The following RAB26 variants were observed in gnomAD, a reference collection of about 807,000 sequenced individuals.
The protein encoded by RAB26 is ras-related protein Rab-26.
A neutral mutation model predicts 33.1 loss-of-function variants in RAB26; 39 were observed. That is an observed-to-expected ratio of 1.18 (90% CI 0.91 to 1.54). The LOEUF is 1.54. RAB26 is among the 40% of genes most tolerant of loss of function. The probability of loss-of-function intolerance (pLI) is 0.00; values close to 1 mark genes in which losing one functional copy is unlikely to be tolerated. For missense variants in RAB26, 468 were observed against 362.9 expected (o/e 1.29, Z -2.35); for synonymous variants, 192 against 151.9 (o/e 1.26, Z -1.94).
chr16:2,149,687 C>T (rs1257470856), intron 1 of RAB26, among the ~76,000 whole-genome samples: 1 of 152,182 alleles, frequency 6.6e-6, no homozygotes, highest in Admixed American at 6.5e-5. Context: ...GGGGTATGGA[C>T]GTTAGGGAGG....
At chr16:2,152,925 G>A (rs2093010579) in intron 6 of RAB26, 40 bp downstream of exon 6, 3 of 1,591,882 alleles carry the variant, frequency 1.9e-6, no homozygotes, top group South Asian at 1.1e-5. Context: ...CACAGGGCAG[G>A]GCAGGTGAGG....
intron 5 of RAB26, 35 bp downstream of exon 5, chr16:2,151,943 G>C: frequency 2.5e-6 from 4 of 1,612,692 alleles, no homozygotes; most frequent in Non-Finnish European, 3.4e-6. Context: ...AAAGGGCCCT[G>C]ATAGGGCCTG....
Position 2,153,954 on chromosome 16 carries a change from G to C in RAB26, c.*533G>C. The stretch of plus-strand genomic sequence containing the variant: ...AGGGTCTTCCTCACTGACCTTGGAG[G>C]ATGCCTGTGGCCTTGTGATAAAATG... On this transcript the variant is annotated 3_prime_UTR_variant, in exon 9 of 9. Coordinates refer to ENST00000210187, the MANE Select transcript of RAB26 (RefSeq NM_014353.5). 1 of 394,454 alleles carries C rather than the reference G, an allele frequency of 2.5e-6. No individual in the cohort carries two copies. Among genetic ancestry groups the C allele is most frequent in the South Asian group, 1.8e-5 (1 of 55,806 alleles). 24.4% of individuals were successfully genotyped at this position (394,454 alleles called of 1,614,324 possible).
At position 2,153,625 on chromosome 16, in the gene RAB26, G is replaced by T. The variant is rs983082160; in HGVS notation, c.*204G>T. On this transcript the variant is annotated 3_prime_UTR_variant, in exon 9 of 9. Coordinates refer to ENST00000210187, the MANE Select transcript of RAB26 (RefSeq NM_014353.5). ...TCTGAGAGCCCGTGGCCGCACACTG[G>T]CCGCCACGGAAAAGCAGTCTTCTGC... is the stretch of plus-strand genomic sequence containing the variant. 3 of 665,056 alleles carry T rather than the reference G, an allele frequency of 4.5e-6. No homozygotes were observed. The highest frequency in any genetic ancestry group is 1.8e-5 in the African/African-American group (1 of 56,192). 41.2% of individuals were successfully genotyped at this position (665,056 alleles called of 1,614,324 possible). A position where few individuals can be genotyped will look rare whatever the true frequency, so the allele number is the denominator to read the frequency against.
chr16:2,150,728 T>C (rs954907526), intron 2 of RAB26, among the ~76,000 whole-genome samples: 7 of 151,428 alleles, frequency 4.6e-5, no homozygotes, highest in African/African-American at 1.7e-4. Flanking sequence ...CACCTCCCTC[T>C]TGGCTCTCGG....
At chr16:2,152,588 C>T (rs1186132978) in intron 5 of RAB26, among the ~76,000 whole-genome samples, 1 of 148,438 alleles carries the variant, frequency 6.7e-6, no homozygotes, top group African/African-American at 2.5e-5. Context: ...TCCCAAGGTT[C>T]TCTGAACCCC....
At position 2,153,521 on chromosome 16, in the gene RAB26, G is replaced by T; in HGVS notation, c.*100G>T. 9.1e-7 allele frequency: 1 copy of T among 1,097,780 alleles called. No homozygotes were observed. Among genetic ancestry groups the T allele is most frequent in the Non-Finnish European group, 1.3e-6 (1 of 752,068 alleles). The allele number at this position is 1,097,780 out of a possible 1,614,324, so 68.0% of individuals were successfully genotyped here. A position where few individuals can be genotyped will look rare whatever the true frequency, so the allele number is the denominator to read the frequency against. ...CTGACTTTGTTGCCCAGTGGCCAAC[G>T]CCCGAGTGTCTGTTTTCAGGAGCCC... On this transcript the variant is annotated 3_prime_UTR_variant, in exon 9 of 9. Coordinates refer to ENST00000210187, the MANE Select transcript of RAB26 (RefSeq NM_014353.5).
Position 2,149,997 on chromosome 16 carries a change from G to A in RAB26, c.252G>A (p.Lys84=). ...VGKTCLLVRF[K]DGAFLAGTFI... ...AGACCTGTCTGCTGGTGCGATTCAA[G>A]GATGGTGCTTTCCTGGCGGGGACCT... Residue 84 remains lysine, a synonymous_variant, in exon 2 of 9, where the codon AAG becomes AAA. Transcript: ENST00000210187. 6.5e-7 allele frequency: 1 copy of A among 1,545,650 alleles called. No individual in the cohort carries two copies.
chr16:2,152,639 G>A (rs376041251), intron 5 of RAB26, among the ~76,000 whole-genome samples, 181 bp from the exon 6 acceptor site: 4 of 143,804 alleles, frequency 2.8e-5, no homozygotes, highest in East Asian at 2.2e-4. Context: ...ACTGCAGTGA[G>A]TCGAGATGGA....
At chr16:2,152,693 C>A (rs1305693543) in intron 5 of RAB26, 127 bp from the exon 6 acceptor site, 241 of 349,746 alleles carry the variant, frequency 6.9e-4, no homozygotes, top group African/African-American at 1.7e-3. Flanking sequence ...ACTCTTGTCT[C>A]AAAAAAAAAA....
rs2093016854 is a variant in RAB26 at position 2,153,959 on chromosome 16, C to T, written c.*538C>T. On this transcript the variant is annotated 3_prime_UTR_variant, in exon 9 of 9. Transcript: ENST00000210187. ...CTTCCTCACTGACCTTGGAGGATGCCTGTGGCCTTGTGATAAAATGTGGGA... is the reference window on the plus strand; with the variant it reads ...CTTCCTCACTGACCTTGGAGGATGCTTGTGGCCTTGTGATAAAATGTGGGA... 1 of 377,910 alleles carries T rather than the reference C, an allele frequency of 2.6e-6. No individual in the cohort carries two copies. Among genetic ancestry groups the T allele is most frequent in the Admixed American group, 3.4e-5 (1 of 29,000 alleles). 23.4% of individuals were successfully genotyped at this position (377,910 alleles called of 1,614,324 possible).
rs771525193 is a variant in RAB26, at chr16:2,153,063, G to A, written c.591+18G>A. 3 of 1,611,624 alleles carry A rather than the reference G, an allele frequency of 1.9e-6. No individual in the cohort carries two copies. The highest frequency in any genetic ancestry group is 2.5e-6 in the Non-Finnish European group (3 of 1,178,624). Reference sequence around the variant, plus strand: ...TGGCCAAGGTGAGTCAGGGCAGGGGGGTGGTGAGGGGGTGCCCCTGGAGGC... The same window carrying A: ...TGGCCAAGGTGAGTCAGGGCAGGGGAGTGGTGAGGGGGTGCCCCTGGAGGC... On this transcript the variant is annotated intron_variant, in intron 7 of 8. Transcript: ENST00000210187.
chr16:2,149,077 AGGGCGCGGAGCCGACGCG>A (rs1248516607), intron 1 of RAB26, 99 bp downstream of exon 1: 1 of 1,183,870 alleles, frequency 8.4e-7, no homozygotes, highest in Non-Finnish European at 1.1e-6. Flanking sequence ...CCGCGGCCCC[AGGGCGCGGAGCCGACGCG>A]GGAGGAACCC....
In RAB26 at chr16:2,153,237, T is replaced by C. The variant is rs200478430; in HGVS notation, c.668+15T>C. 2.2e-5 allele frequency: 35 copies of C among 1,613,582 alleles called. No individual in the cohort carries two copies. In the East Asian group the frequency reaches 7.8e-4, roughly 36 times the overall value. ...GCCATAGCAAAGTAAGTCCTGCCAG[T>C]CACCAGGACTCCCCCAGCCCAGGGC... On this transcript the variant is annotated intron_variant, in intron 8 of 8. Transcript: ENST00000210187.
chr16:2,153,100 G>A, intron 7 of RAB26, 46 bp from the exon 8 acceptor site: 1 of 1,613,298 alleles, frequency 6.2e-7, no homozygotes. Context: ...GCGAGCCTAG[G>A]CTGTCCCCGC....
At chr16:2,151,364 C>T in intron 2 of RAB26, 2 of 660,654 alleles carry the variant, frequency 3.0e-6, no homozygotes, top group Non-Finnish European at 5.4e-6. Flanking sequence ...GCGTAAGAGG[C>T]TCTAAGCAGG....
chr16:2,151,010 C>T (rs901980428), intron 2 of RAB26: 36 of 329,826 alleles, frequency 1.1e-4, no homozygotes, highest in Non-Finnish European at 2.0e-4. Flanking sequence ...TGGGAGGGCC[C>T]GGCTGGGGAC....
Position 2,153,529 on chromosome 16 carries a change from G to A in RAB26, c.*108G>A, listed in dbSNP as rs143578676. 42 of 1,040,362 alleles carry A rather than the reference G, an allele frequency of 4.0e-5. No individual in the cohort carries two copies. Among genetic ancestry groups the A allele is most frequent in the Non-Finnish European group, 6.0e-5 (42 of 704,462 alleles). 64.4% of individuals were successfully genotyped at this position (1,040,362 alleles called of 1,614,324 possible). ...GTTGCCCAGTGGCCAACGCCCGAGT[G>A]TCTGTTTTCAGGAGCCCCAGGTCAA... On this transcript the variant is annotated 3_prime_UTR_variant, in exon 9 of 9. Transcript: ENST00000210187.
rs1197010264 is a variant in RAB26, at chr16:2,151,607, G to A, written c.345G>A (p.Leu115=). ...ACGTGGATGGTGTGAAGGTGAAGCTGCAGGTAAGGTGACTGGCAGAGGACA... is the reference window on the plus strand; with the variant it reads ...ACGTGGATGGTGTGAAGGTGAAGCTACAGGTAAGGTGACTGGCAGAGGACA... ...VLDVDGVKVK[L]QMWDTAGQER... The change falls in exon 3 of 9, where the codon CTG becomes CTA. Residue 115 remains leucine, a synonymous_variant. Coordinates refer to ENST00000210187, the MANE Select transcript of RAB26 (RefSeq NM_014353.5). 2 of 1,614,058 alleles carry A rather than the reference G, an allele frequency of 1.2e-6. No individual in the cohort carries two copies.
Sources: gnomAD v4.1 joint callset for allele counts (sites outside exome capture counted in the v4.1 genomes callset) on GRCh38, gnomAD v4.1.1 for gene constraint, MANE v1.5 for transcripts, NCBI Gene and HGNC (gene_info 2026-07-23, HGNC 2026-07-21) for gene names.